Variants in NDUFAF2 observed in about 807,000 individuals in gnomAD.
NDUFAF2 encodes NADH dehydrogenase [ubiquinone] 1 alpha subcomplex assembly factor 2.
In NDUFAF2, 13 loss-of-function variants were observed where a neutral mutation model predicts 22.8. The observed-to-expected ratio is 0.57, with a 90% CI of 0.37 to 0.91. The LOEUF (loss-of-function observed/expected upper bound fraction) is 0.91, where lower values mean the gene tolerates loss of function less well. NDUFAF2 is among the 40% of genes least tolerant of loss of function. NDUFAF2 has a pLI of 0.01. For synonymous variants in NDUFAF2, 53 were observed against 64.2 expected, an observed-to-expected ratio of 0.83 and a Z score of 0.84; for missense variants, 162 against 195.2, an observed-to-expected ratio of 0.83 and a Z score of 1.01.
chr5:61,031,709 A>T (rs1439412220), intron 1 of NDUFAF2, among the ~76,000 whole-genome samples: 1 of 152,216 alleles, frequency 6.6e-6, no homozygotes, highest in Non-Finnish European at 1.5e-5. Context: ...TCTTTATAGT[A>T]GAATGATTTA....
intron 1 of NDUFAF2, among the ~76,000 whole-genome samples, chr5:61,016,651 C>T (rs527742828): frequency 6.6e-5 from 10 of 152,278 alleles, no homozygotes; most frequent in Admixed American, 6.5e-4. Context: ...CTGTCCTCCG[C>T]TATTGTGGTA....
chr5:61,088,352 G>A (rs1016102816), intron 2 of NDUFAF2, among the ~76,000 whole-genome samples: 3 of 151,978 alleles, frequency 2.0e-5, no homozygotes, highest in African/African-American at 2.4e-5. Flanking sequence ...CATTCAAGGA[G>A]AAGAGATAAT....
intron 1 of NDUFAF2, among the ~76,000 whole-genome samples, chr5:61,056,323 T>TC (rs1236957116): frequency 2.6e-5 from 4 of 152,200 alleles, no homozygotes; most frequent in Admixed American, 2.6e-4. Flanking sequence ...GTAGTGTTTA[T>TC]CTTTTTGAGC....
At chr5:61,016,934 G>A (rs939264346) in intron 1 of NDUFAF2, among the ~76,000 whole-genome samples, 3 of 152,148 alleles carry the variant, frequency 2.0e-5, no homozygotes, top group Admixed American at 1.3e-4. Flanking sequence ...GGCCTATCCC[G>A]AAGAAAGTAG....
chr5:60,978,796 C>T (rs773827508), intron 1 of NDUFAF2, among the ~76,000 whole-genome samples: 5 of 152,124 alleles, frequency 3.3e-5, no homozygotes, highest in Non-Finnish European at 7.3e-5. Context: ...GGTGGACTTG[C>T]GGTGCCTATG....
At chr5:61,134,240 G>GA (rs1361180455) in intron 3 of NDUFAF2, among the ~76,000 whole-genome samples, 3 of 126,856 alleles carry the variant, frequency 2.4e-5, no homozygotes, top group South Asian at 2.9e-4. Context: ...ATTTTATAAA[G>GA]AAAAAATGGG....
Position 61,119,304 on chromosome 5 carries a change from T to C in NDUFAF2, c.258+20272T>C, listed in dbSNP as rs1346849163. Among the ~76,000 whole-genome samples, 3 of 152,226 alleles carry C rather than the reference T, an allele frequency of 2.0e-5. No individual in the cohort carries two copies. In the East Asian group the frequency reaches 5.8e-4, roughly 29 times the overall value. On this transcript the variant is annotated intron_variant, in intron 3 of 3. Coordinates refer to ENST00000296597, the MANE Select transcript of NDUFAF2 (RefSeq NM_174889.5). ...CTCAAGAGCTAACAATTTCTTTGCA[T>C]GTAGACTTCTTTTGTACATACCAAC...
At chr5:61,059,842 T>C (rs1028010638) in intron 1 of NDUFAF2, among the ~76,000 whole-genome samples, 1 of 152,132 alleles carries the variant, frequency 6.6e-6, no homozygotes, top group Admixed American at 6.6e-5. Flanking sequence ...GTAGGACATG[T>C]CAGATTATAG....
At chr5:60,979,982 G>A (rs574790758) in intron 1 of NDUFAF2, among the ~76,000 whole-genome samples, 1 of 152,282 alleles carries the variant, frequency 6.6e-6, no homozygotes, top group African/African-American at 2.4e-5. Context: ...ACTCTGTTAA[G>A]GGAAGAGGAC....
intron 3 of NDUFAF2, chr5:61,145,999 C>T (rs192537779): frequency 7.6e-4 from 115 of 152,286 alleles, no homozygotes; most frequent in African/African-American, 2.7e-3. Context: ...CTCTATATCC[C>T]TAGTCAGGGG....
At chr5:60,951,380 A>G (rs1248045801) in intron 1 of NDUFAF2, among the ~76,000 whole-genome samples, 1 of 152,168 alleles carries the variant, frequency 6.6e-6, no homozygotes, top group East Asian at 1.9e-4. Flanking sequence ...GGTTAGAACC[A>G]CTGTTTATTC....
chr5:60,958,679 G>A (rs568053508), intron 1 of NDUFAF2, among the ~76,000 whole-genome samples: 1 of 152,042 alleles, frequency 6.6e-6, no homozygotes, highest in African/African-American at 2.4e-5. Context: ...CGGACCCAGA[G>A]GCATAAAGAC....
At chr5:60,987,821 A>C (rs1276731117) in intron 1 of NDUFAF2, among the ~76,000 whole-genome samples, 1 of 152,228 alleles carries the variant, frequency 6.6e-6, no homozygotes, top group Non-Finnish European at 1.5e-5. Context: ...CCAACATCAT[A>C]CTGAATGGGC....
At chr5:61,041,692 T>A (rs560475773) in intron 1 of NDUFAF2, among the ~76,000 whole-genome samples, 1 of 152,294 alleles carries the variant, frequency 6.6e-6, no homozygotes, top group South Asian at 2.1e-4. Flanking sequence ...AATGGTTAAA[T>A]CTTTATGTGT....
At chr5:60,974,791 G>GTGTTTGTT (rs140507420) in intron 1 of NDUFAF2, among the ~76,000 whole-genome samples, 7 of 152,058 alleles carry the variant, frequency 4.6e-5, no homozygotes, top group African/African-American at 4.8e-5. Flanking sequence ...ACTGAGATTT[G>GTGTTTGTT]TGTTTGTTTG....
intron 3 of NDUFAF2, among the ~76,000 whole-genome samples, chr5:61,133,198 G>A (rs159378): frequency 0.6 from 91,449 of 152,034 alleles, 28,257 homozygotes; most frequent in East Asian, 0.94. Context: ...GTTGTGCTAC[G>A]CTGTGGGTAA....
chr5:61,124,897 G>A (rs1204577483), intron 3 of NDUFAF2, among the ~76,000 whole-genome samples: 1 of 152,100 alleles, frequency 6.6e-6, no homozygotes, highest in Admixed American at 6.6e-5. Flanking sequence ...TAGCTGGGGA[G>A]GCCTCAGGAA....
At chr5:61,072,999 A>G in intron 1 of NDUFAF2, 126 bp from the exon 2 acceptor site, 1 of 661,582 alleles carries the variant, frequency 1.5e-6, no homozygotes, top group East Asian at 2.7e-5. Flanking sequence ...ATGGAAATCT[A>G]TTCTCGTTTT....
intron 3 of NDUFAF2, among the ~76,000 whole-genome samples, chr5:61,132,754 G>A (rs188718270): frequency 4.1e-4 from 62 of 152,124 alleles, no homozygotes; most frequent in Non-Finnish European, 7.8e-4. Context: ...TAGTTGTTTC[G>A]AGTAGTAACT....
Sources: allele counts gnomAD v4.1 joint callset (sites outside exome capture counted in the v4.1 genomes callset), GRCh38; gene constraint gnomAD v4.1.1; transcripts MANE v1.5; gene names NCBI Gene and HGNC (gene_info 2026-07-23, HGNC 2026-07-21).